Variants in PTCHD4 observed in about 807,000 individuals in gnomAD.
PTCHD4 encodes patched domain containing 4, also known as patched domain-containing protein 4.
In PTCHD4, 33 loss-of-function variants were observed where a neutral mutation model predicts 58.1. That is an observed-to-expected ratio of 0.57 (90% confidence interval 0.43 to 0.76). The LOEUF (loss-of-function observed/expected upper bound fraction) is 0.76, where lower values mean the gene tolerates loss of function less well. Among genes scored for constraint, PTCHD4 ranks in the 30% least tolerant of loss-of-function variants. The pLI, the probability that PTCHD4 is intolerant of heterozygous loss-of-function variation, is 0.00. For missense variants in PTCHD4, 1,058 were observed against 1,027.1 expected, an observed-to-expected ratio of 1.03 and a Z score of -0.41; for synonymous variants, 478 against 409.6, an observed-to-expected ratio of 1.17 and a Z score of -2.02.
chr6:47,893,186 T>C (rs1764431999), intron 4 of PTCHD4, among the ~76,000 whole-genome samples: 1 of 152,126 alleles, frequency 6.6e-6, no homozygotes, highest in African/African-American at 2.4e-5. Context: ...AATTTTTGTA[T>C]TTTTAGTAGA....
intron 3 of PTCHD4, among the ~76,000 whole-genome samples, chr6:48,039,778 G>T (rs1182317994): frequency 6.6e-6 from 1 of 152,088 alleles, no homozygotes; most frequent in Non-Finnish European, 1.5e-5. Flanking sequence ...AATATTGAAG[G>T]TCTCTGTCCC....
intron 3 of PTCHD4, among the ~76,000 whole-genome samples, chr6:48,043,018 G>C (rs1763899343): frequency 6.6e-6 from 1 of 151,824 alleles, no homozygotes; most frequent in Non-Finnish European, 1.5e-5. Context: ...TAATCTGTTG[G>C]ATTTCCATTC....
intron 4 of PTCHD4, among the ~76,000 whole-genome samples, chr6:47,957,899 C>G (rs554346255): frequency 6.6e-6 from 1 of 151,978 alleles, no homozygotes; most frequent in African/African-American, 2.4e-5. Flanking sequence ...CCACCGCGCC[C>G]GGCCATAAGA....
At chr6:48,059,658 A>G (rs113690445) in intron 3 of PTCHD4, among the ~76,000 whole-genome samples, 97 of 151,802 alleles carry the variant, frequency 6.4e-4, no homozygotes, top group African/African-American at 2.1e-3. Context: ...AAACAAACAA[A>G]AAAGTACCTA....
intron 3 of PTCHD4, among the ~76,000 whole-genome samples, chr6:48,056,863 T>A (rs2114180813): frequency 6.6e-6 from 1 of 152,308 alleles, no homozygotes; most frequent in Admixed American, 6.5e-5. Context: ...TGTGCTGAAG[T>A]CTCCAGATGT....
At chr6:48,073,099 A>T (rs1375824399) in intron 1 of PTCHD4, among the ~76,000 whole-genome samples, 3 of 152,206 alleles carry the variant, frequency 2.0e-5, no homozygotes, top group Non-Finnish European at 4.4e-5. Flanking sequence ...TATCAATCAC[A>T]TGGTAATTAT....
intron 3 of PTCHD4, among the ~76,000 whole-genome samples, chr6:48,026,917 A>ATT (rs58551881): frequency 0.75 from 110,837 of 148,364 alleles, 41,709 homozygotes; most frequent in Middle Eastern, 0.8. Flanking sequence ...AATTTGTCCC[A>ATT]TTTTTTTTTT....
chr6:47,886,927 T>C (rs1054613523), intron 4 of PTCHD4, among the ~76,000 whole-genome samples: 2 of 152,334 alleles, frequency 1.3e-5, no homozygotes, highest in African/African-American at 4.8e-5. Context: ...CCAACCCAAA[T>C]CACAGTACTT....
At chr6:48,030,800 C>A (rs1445658198) in intron 3 of PTCHD4, among the ~76,000 whole-genome samples, 6 of 152,136 alleles carry the variant, frequency 3.9e-5, no homozygotes, top group Non-Finnish European at 8.8e-5. Context: ...ACTGACTGCC[C>A]TCTGAACTCA....
At chr6:48,014,506 T>TA (rs1762799455) in intron 3 of PTCHD4, among the ~76,000 whole-genome samples, 1 of 152,140 alleles carries the variant, frequency 6.6e-6, no homozygotes, top group Non-Finnish European at 1.5e-5. Flanking sequence ...ACATTAATGG[T>TA]AAAAGTTCCT....
intron 4 of PTCHD4, among the ~76,000 whole-genome samples, chr6:47,995,478 G>C (rs1235868802): frequency 6.6e-6 from 1 of 152,126 alleles, no homozygotes; most frequent in Non-Finnish European, 1.5e-5. Context: ...ATACATGTAA[G>C]CCCCTTTTTT....
chr6:48,049,346 C>A (rs1276247068), intron 3 of PTCHD4, among the ~76,000 whole-genome samples: 2 of 151,836 alleles, frequency 1.3e-5, no homozygotes, highest in Non-Finnish European at 2.9e-5. Context: ...GTTTCGAGTT[C>A]TCTGAAATAT....
chr6:48,026,396 G>T (rs1228075266), intron 3 of PTCHD4, among the ~76,000 whole-genome samples: 1 of 152,074 alleles, frequency 6.6e-6, no homozygotes, highest in African/African-American at 2.4e-5. Context: ...ACATGATTTT[G>T]CAGCAGACAA....
rs190786688 is a variant in PTCHD4, at chr6:48,086,545, C to A, written c.-969-16619G>T. Among the ~76,000 whole-genome samples the A allele has an allele frequency of 3.0e-4, 46 of 151,074 alleles. No individual in the cohort carries two copies. In the East Asian group the frequency reaches 8.0e-3, roughly 26 times the overall value. The stretch of plus-strand genomic sequence containing the variant: ...CCTAATATATATCAATGAAAAATAG[C>A]AGGGCAGAACAGGGATTGTGGAGGC... On this transcript the variant is annotated intron_variant, in intron 1 of 4. Transcript: ENST00000339488.
At chr6:48,042,157 C>T (rs1763870552) in intron 3 of PTCHD4, among the ~76,000 whole-genome samples, 1 of 152,086 alleles carries the variant, frequency 6.6e-6, no homozygotes, top group East Asian at 1.9e-4. Flanking sequence ...CATTGATTAA[C>T]TCCAAGAAAA....
chr6:48,051,459 T>G (rs1764232243), intron 3 of PTCHD4, among the ~76,000 whole-genome samples: 1 of 151,986 alleles, frequency 6.6e-6, no homozygotes, highest in Non-Finnish European at 1.5e-5. Flanking sequence ...ACCTTAACAG[T>G]TCTTACACAC....
intron 1 of PTCHD4, among the ~76,000 whole-genome samples, chr6:48,091,919 G>C (rs1368838026): frequency 6.6e-6 from 1 of 151,962 alleles, no homozygotes; most frequent in Non-Finnish European, 1.5e-5. Flanking sequence ...CAAAGTGCTA[G>C]CATTACAGGC....
At chr6:47,979,731 C>T (rs1767812421) in intron 4 of PTCHD4, among the ~76,000 whole-genome samples, 1 of 151,918 alleles carries the variant, frequency 6.6e-6, no homozygotes, top group African/African-American at 2.4e-5. Flanking sequence ...TTTGATTTCC[C>T]AGGTACCCAT....
chr6:47,937,666 T>G (rs1766053417), intron 4 of PTCHD4, among the ~76,000 whole-genome samples: 1 of 152,154 alleles, frequency 6.6e-6, no homozygotes, highest in Non-Finnish European at 1.5e-5. Flanking sequence ...TCAGCATATA[T>G]TTGGTATTTA....
Sources: allele counts gnomAD v4.1 joint callset (sites outside exome capture counted in the v4.1 genomes callset), GRCh38; gene constraint gnomAD v4.1.1; transcripts MANE v1.5; gene names NCBI Gene and HGNC (gene_info 2026-07-23, HGNC 2026-07-21).